The following ARHGAP28 variants were observed in gnomAD, a reference collection of about 807,000 sequenced individuals.
ARHGAP28 encodes the protein rho GTPase-activating protein 28.
A neutral mutation model predicts 90.7 loss-of-function variants in ARHGAP28; 56 were observed. The observed-to-expected ratio is 0.62, with a 90% confidence interval of 0.50 to 0.77. ARHGAP28 has a LOEUF of 0.77. ARHGAP28 is among the 30% of genes least tolerant of loss of function. The pLI is 0.00. For missense variants in ARHGAP28, 869 were observed against 900.9 expected (o/e 0.96, Z 0.45); for synonymous variants, 308 against 323.3 (o/e 0.95, Z 0.51).
At chr18:6,859,464 C>T (rs1293897149) in intron 4 of ARHGAP28, among the ~76,000 whole-genome samples, 1 of 152,194 alleles carries the variant, frequency 6.6e-6, no homozygotes, top group South Asian at 2.1e-4. Flanking sequence ...GTTTCACTTA[C>T]ACCTTGTCGG....
chr18:6,808,947 C>A (rs1441331715), intron 1 of ARHGAP28, among the ~76,000 whole-genome samples: 1 of 152,156 alleles, frequency 6.6e-6, no homozygotes, highest in East Asian at 1.9e-4. Context: ...CATGCCAATT[C>A]CTAAAGCAAT....
At chr18:6,896,476 T>G (rs2057305448) in intron 15 of ARHGAP28, 26 bp from the exon 16 acceptor site, 1 of 1,611,834 alleles carries the variant, frequency 6.2e-7, no homozygotes, top group Non-Finnish European at 8.5e-7. Context: ...TTTGACAGAC[T>G]GTACTGAATT....
chr18:6,905,005 A>C (rs2057357618), intron 16 of ARHGAP28, among the ~76,000 whole-genome samples: 1 of 152,144 alleles, frequency 6.6e-6, no homozygotes, highest in South Asian at 2.1e-4. Flanking sequence ...AATTAACACT[A>C]ATCTAGAACA....
intron 2 of ARHGAP28, among the ~76,000 whole-genome samples, chr18:6,830,806 G>T (rs866541439): frequency 4.6e-5 from 7 of 152,158 alleles, no homozygotes; most frequent in South Asian, 2.1e-4. Flanking sequence ...ACCCATAACA[G>T]TAATATTCCA....
At chr18:6,857,161 C>G (rs958226774) in intron 4 of ARHGAP28, among the ~76,000 whole-genome samples, 1 of 152,136 alleles carries the variant, frequency 6.6e-6, no homozygotes, top group African/African-American at 2.4e-5. Flanking sequence ...CTCCCCATCA[C>G]CCATAGCTGT....
chr18:6,821,966 A>G lies in ARHGAP28; in HGVS notation c.123-2796A>G, dbSNP rs372072951. 7.9e-5 allele frequency among the ~76,000 whole-genome samples: 12 copies of G among 152,246 alleles called. No homozygotes were observed. In the East Asian group the frequency reaches 1.4e-3, roughly 17 times the overall value. On this transcript the variant is annotated intron_variant, in intron 1 of 17. Coordinates refer to ENST00000383472, the MANE Select transcript of ARHGAP28 (RefSeq NM_001366230.1). The stretch of plus-strand genomic sequence containing the variant: ...TTCTTCAAATATTTTCAGTGTTTGG[A>G]TATATCTGCTTGTTTGTCTAATTTC...
intron 1 of ARHGAP28, among the ~76,000 whole-genome samples, chr18:6,787,824 A>G (rs2056377596): frequency 6.6e-6 from 1 of 152,262 alleles, no homozygotes; most frequent in African/African-American, 2.4e-5. Context: ...AGATTTCTTA[A>G]TGTAAAAGTT....
chr18:6,890,690 T>C (rs2057258691), intron 14 of ARHGAP28, 147 bp downstream of exon 14: 1 of 525,276 alleles, frequency 1.9e-6, no homozygotes, highest in Admixed American at 3.4e-5. Flanking sequence ...TCATGGAAAG[T>C]GGGTCCATAA....
chr18:6,814,394 T>C (rs1256406735), intron 1 of ARHGAP28, among the ~76,000 whole-genome samples: 1 of 152,156 alleles, frequency 6.6e-6, no homozygotes, highest in African/African-American at 2.4e-5. Flanking sequence ...TCTGTTCTGC[T>C]ATTATTGAAT....
At chr18:6,765,943 T>A (rs964121176) in intron 1 of ARHGAP28, among the ~76,000 whole-genome samples, 1 of 152,236 alleles carries the variant, frequency 6.6e-6, no homozygotes, top group African/African-American at 2.4e-5. Context: ...AAAAAATCAA[T>A]TTCTAATTTA....
chr18:6,830,381 A>G (rs1203497796), intron 2 of ARHGAP28, among the ~76,000 whole-genome samples: 1 of 151,546 alleles, frequency 6.6e-6, no homozygotes, highest in East Asian at 1.9e-4. Flanking sequence ...AGAACGTGCA[A>G]TTTTGTTACA....
intron 11 of ARHGAP28, among the ~76,000 whole-genome samples, chr18:6,884,388 A>T (rs893507321): frequency 1.5e-4 from 23 of 152,174 alleles, no homozygotes; most frequent in African/African-American, 5.5e-4. Context: ...AAGAAAAAAA[A>T]GTCCTTGTTG....
At chr18:6,781,858 C>A (rs2056327133) in intron 1 of ARHGAP28, among the ~76,000 whole-genome samples, 1 of 152,174 alleles carries the variant, frequency 6.6e-6, no homozygotes, top group African/African-American at 2.4e-5. Flanking sequence ...TTTTGTCTCT[C>A]TTTTGAACTA....
At chr18:6,903,472 G>C (rs2057347977) in intron 16 of ARHGAP28, among the ~76,000 whole-genome samples, 1 of 152,044 alleles carries the variant, frequency 6.6e-6, no homozygotes, top group Non-Finnish European at 1.5e-5. Flanking sequence ...GTAATATCCA[G>C]AGAAACCACA....
At chr18:6,909,868 T>A (rs2057386703) in intron 17 of ARHGAP28, among the ~76,000 whole-genome samples, 1 of 151,924 alleles carries the variant, frequency 6.6e-6, no homozygotes, top group African/African-American at 2.4e-5. Flanking sequence ...CACCCTCCAC[T>A]CTCCCACACC....
At chr18:6,870,568 G>A (rs756966879) in intron 6 of ARHGAP28, 22 bp from the exon 7 acceptor site, 1 of 1,586,888 alleles carries the variant, frequency 6.3e-7, no homozygotes, top group South Asian at 1.1e-5. Context: ...TAAATAGTCT[G>A]TATTCTTTGT....
rs567827936 is a variant in ARHGAP28 at position 6,910,101 on chromosome 18, A to C, written c.2095+1077A>C. On this transcript the variant is annotated intron_variant, in intron 17 of 17. Coordinates refer to ENST00000383472, the MANE Select transcript of ARHGAP28 (RefSeq NM_001366230.1). ...GGCACACTCTGCCCCTCAGCACTTC[A>C]CCAGAATCACCCTCTTGTCATGGTC... Among the ~76,000 whole-genome samples the C allele has an allele frequency of 5.9e-4, 89 of 151,990 alleles. 1 individual carries two copies. Among genetic ancestry groups the C allele is most frequent in the Non-Finnish European group, 1.1e-3 (74 of 67,980 alleles).
intron 2 of ARHGAP28, among the ~76,000 whole-genome samples, chr18:6,828,047 C>T (rs1439447997): frequency 6.6e-6 from 1 of 152,048 alleles, no homozygotes; most frequent in East Asian, 1.9e-4. Context: ...CCACTGCACT[C>T]CAGCCTGGGC....
chr18:6,729,722 C>T lies in ARHGAP28; in HGVS notation c.-100C>T. 8.1e-7 allele frequency: 1 copy of T among 1,230,374 alleles called. No individual in the cohort carries two copies. The highest frequency in any genetic ancestry group is 1.0e-6 in the Non-Finnish European group (1 of 969,166). The allele number at this position is 1,230,374 out of a possible 1,614,324, so 76.2% of individuals were successfully genotyped here. A position where few individuals can be genotyped will look rare whatever the true frequency, so the allele number is the denominator to read the frequency against. On this transcript the variant is annotated 5_prime_UTR_variant, in exon 1 of 18. Transcript: ENST00000383472. ...CGGGAGAGAGCGGCTGGTCGCACCTCGGGCCGCGCCGCCCAGCTGCTGACA... is the reference window on the plus strand; with the variant it reads ...CGGGAGAGAGCGGCTGGTCGCACCTTGGGCCGCGCCGCCCAGCTGCTGACA...
Sources: gnomAD v4.1 joint callset for allele counts (sites outside exome capture counted in the v4.1 genomes callset) on GRCh38, gnomAD v4.1.1 for gene constraint, MANE v1.5 for transcripts, NCBI Gene and HGNC (gene_info 2026-07-23, HGNC 2026-07-21) for gene names.